CTNNA2: variants seen among roughly 807,000 people sequenced by gnomAD.
The protein encoded by CTNNA2 is catenin alpha 2.
In CTNNA2, 42 loss-of-function variants were observed where a neutral mutation model predicts 101.0. That is an observed-to-expected ratio of 0.42 (90% CI 0.32 to 0.54). The LOEUF (loss-of-function observed/expected upper bound fraction) is 0.54, where lower values mean the gene tolerates loss of function less well. Among genes scored for constraint, CTNNA2 ranks in the 20% least tolerant of loss-of-function variants. The probability of loss-of-function intolerance (pLI) is 0.14; values close to 1 mark genes in which losing one functional copy is unlikely to be tolerated. For missense variants in CTNNA2, 871 were observed against 1,223.1 expected (o/e 0.71, Z 4.29); for synonymous variants, 450 against 456.4 (o/e 0.99, Z 0.18).
intron 3 of CTNNA2, among the ~76,000 whole-genome samples, chr2:79,811,378 T>G (rs1301844810): frequency 6.6e-6 from 1 of 152,218 alleles, no homozygotes; most frequent in Non-Finnish European, 1.5e-5. Flanking sequence ...TGGGGTTGTT[T>G]GTTTTTTTCT....
intron 9 of CTNNA2, among the ~76,000 whole-genome samples, chr2:80,420,055 A>C (rs1041107527): frequency 8.0e-5 from 12 of 149,516 alleles, no homozygotes; most frequent in South Asian, 4.2e-4. Flanking sequence ...AAAAAAAAAA[A>C]AAAAAAAACC....
At chr2:79,370,610 T>C (rs1277767750) in intron 3 of CTNNA2, among the ~76,000 whole-genome samples, 2 of 152,186 alleles carry the variant, frequency 1.3e-5, no homozygotes, top group Non-Finnish European at 2.9e-5. Flanking sequence ...GTATTATTTT[T>C]TAAAGCAATG....
chr2:80,068,112 A>G (rs1031133049), intron 7 of CTNNA2, among the ~76,000 whole-genome samples: 2 of 152,348 alleles, frequency 1.3e-5, no homozygotes, highest in East Asian at 1.9e-4. Context: ...TTGTTTTGAT[A>G]TGGGGAAGAG....
intron 3 of CTNNA2, among the ~76,000 whole-genome samples, chr2:79,851,124 A>G (rs1680666279): frequency 6.6e-6 from 1 of 152,242 alleles, no homozygotes; most frequent in South Asian, 2.1e-4. Context: ...TATTTCTTCC[A>G]AGAAAAGGAG....
intron 7 of CTNNA2, among the ~76,000 whole-genome samples, chr2:79,963,654 G>A (rs1689821583): frequency 6.6e-6 from 1 of 152,264 alleles, no homozygotes; most frequent in East Asian, 1.9e-4. Flanking sequence ...TTTAATGTGG[G>A]CCACAGGGTA....
At chr2:80,372,551 C>G (rs1475091763) in intron 7 of CTNNA2, among the ~76,000 whole-genome samples, 2 of 151,874 alleles carry the variant, frequency 1.3e-5, no homozygotes, top group African/African-American at 4.8e-5. Flanking sequence ...TTTGAGCATA[C>G]CTGTAAAATG....
At position 79,981,675 on chromosome 2, in the gene CTNNA2, T is replaced by C. The variant is rs375476884; in HGVS notation, c.1056+71878T>C. Reference sequence around the variant, plus strand: ...TTATGGACCCTAGGAAAATCAGTTATTATCATAATGTAAAGCAATTTTATC... The same window carrying C: ...TTATGGACCCTAGGAAAATCAGTTACTATCATAATGTAAAGCAATTTTATC... On this transcript the variant is annotated intron_variant, in intron 7 of 18. Transcript: ENST00000402739. 1.6e-4 allele frequency among the ~76,000 whole-genome samples: 25 copies of C among 152,292 alleles called. No individual in the cohort carries two copies. The East Asian group carries it at 3.5e-3, about 21-fold the overall frequency.
chr2:80,187,389 T>G (rs1328084070), intron 7 of CTNNA2, among the ~76,000 whole-genome samples: 1 of 152,186 alleles, frequency 6.6e-6, no homozygotes, highest in African/African-American at 2.4e-5. Context: ...GTCAACTAAA[T>G]AGTAATTTGT....
intron 3 of CTNNA2, among the ~76,000 whole-genome samples, chr2:79,809,082 G>T (rs566051318): frequency 1.5e-3 from 223 of 152,168 alleles, no homozygotes; most frequent in East Asian, 9.7e-4. Context: ...GAATGATGGT[G>T]TCCAGCTTCA....
chr2:80,424,554 A>G (rs1680825653), intron 9 of CTNNA2, among the ~76,000 whole-genome samples: 2 of 152,130 alleles, frequency 1.3e-5, no homozygotes, highest in African/African-American at 4.8e-5. Context: ...GATTCACCCT[A>G]TTTTCTGTTG....
intron 1 of CTNNA2, among the ~76,000 whole-genome samples, chr2:79,605,477 A>T (rs1412251181): frequency 6.6e-6 from 1 of 151,774 alleles, no homozygotes; most frequent in Admixed American, 6.6e-5. Context: ...CATAAAGAAA[A>T]TTCCACCGAA....
chr2:79,453,665 AT>A (rs1401941792), intron 4 of CTNNA2, among the ~76,000 whole-genome samples: 2 of 152,086 alleles, frequency 1.3e-5, no homozygotes, highest in African/African-American at 4.8e-5. Context: ...GTATATATAT[AT>A]TTTTCAGAAA....
In CTNNA2 at chr2:79,814,167, A is replaced by G. The variant is rs190977958; in HGVS notation, c.299-43846A>G. Among the ~76,000 whole-genome samples the G allele has an allele frequency of 1.9e-3, 290 of 152,280 alleles. 1 individual carries two copies. The highest frequency in any genetic ancestry group is 6.8e-3 in the Middle Eastern group (2 of 294). Reference sequence around the variant, plus strand: ...ATGAGTGCTCCCCCAACTTTTATATATATGATTTCATCGTGAGGTCCGACA... The same window carrying G: ...ATGAGTGCTCCCCCAACTTTTATATGTATGATTTCATCGTGAGGTCCGACA... On this transcript the variant is annotated intron_variant, in intron 3 of 18. Coordinates refer to ENST00000402739, the MANE Select transcript of CTNNA2 (RefSeq NM_001282597.3).
At chr2:80,151,982 G>A (rs1211072519) in intron 7 of CTNNA2, among the ~76,000 whole-genome samples, 5 of 152,242 alleles carry the variant, frequency 3.3e-5, no homozygotes, top group African/African-American at 1.2e-4. Flanking sequence ...CATCAGGCAA[G>A]GGTTCAGGGG....
At chr2:79,743,855 A>G (rs1051388433) in intron 2 of CTNNA2, among the ~76,000 whole-genome samples, 2 of 152,196 alleles carry the variant, frequency 1.3e-5, no homozygotes, top group African/African-American at 2.4e-5. Context: ...TTTTATTTGT[A>G]TAAGATAAAA....
chr2:80,078,490 A>G (rs889111979), intron 7 of CTNNA2, among the ~76,000 whole-genome samples: 1 of 152,180 alleles, frequency 6.6e-6, no homozygotes, highest in Admixed American at 6.5e-5. Context: ...TCATGTGATT[A>G]AGCATTTCAA....
At chr2:79,780,443 G>C (rs1243614460) in intron 3 of CTNNA2, among the ~76,000 whole-genome samples, 1 of 152,172 alleles carries the variant, frequency 6.6e-6, no homozygotes, top group Non-Finnish European at 1.5e-5. Context: ...AGATCTTCTA[G>C]CTCAGCAGTT....
chr2:79,550,920 G>A (rs2104051015), intron 1 of CTNNA2, among the ~76,000 whole-genome samples: 1 of 152,212 alleles, frequency 6.6e-6, no homozygotes, highest in South Asian at 2.1e-4. Flanking sequence ...ACCTTTACAG[G>A]GAATATTAAC....
intron 1 of CTNNA2, among the ~76,000 whole-genome samples, chr2:79,517,600 T>C (rs889092781): frequency 6.6e-6 from 1 of 152,182 alleles, no homozygotes; most frequent in South Asian, 2.1e-4. Flanking sequence ...ATCATACATT[T>C]TCAGATGTAT....
Sources: allele counts gnomAD v4.1 joint callset (sites outside exome capture counted in the v4.1 genomes callset), GRCh38; gene constraint gnomAD v4.1.1; transcripts MANE v1.5; gene names NCBI Gene and HGNC (gene_info 2026-07-23, HGNC 2026-07-21).